Variants in EYA1 observed in about 807,000 individuals in gnomAD.
EYA1 encodes protein phosphatase EYA1.
EYA1 carries 16 observed loss-of-function variants against 82.0 expected under a neutral mutation model. The ratio of observed to expected loss-of-function variants is 0.20; its 90% CI spans 0.13 to 0.30. The LOEUF (loss-of-function observed/expected upper bound fraction) is 0.30, where lower values mean the gene tolerates loss of function less well. EYA1 is among the 10% of genes least tolerant of loss of function. EYA1 has a pLI of 1.00. For synonymous variants in EYA1, 261 were observed against 264.4 expected, an observed-to-expected ratio of 0.99 and a Z score of 0.12; for missense variants, 633 against 730.7, an observed-to-expected ratio of 0.87 and a Z score of 1.54.
At chr8:71,476,566 A>G (rs754259070) in intron 2 of EYA1, among the ~76,000 whole-genome samples, 1 of 152,140 alleles carries the variant, frequency 6.6e-6, no homozygotes, top group Admixed American at 6.5e-5. Context: ...GTTGCAAAAA[A>G]TTAAAGAAGA....
At chr8:71,376,336 A>G (rs1285162195) in intron 2 of EYA1, among the ~76,000 whole-genome samples, 1 of 152,192 alleles carries the variant, frequency 6.6e-6, no homozygotes, top group Admixed American at 6.5e-5. Flanking sequence ...GGTGTAGGGC[A>G]TGGGACATTG....
At chr8:71,411,641 C>T (rs1312738599) in intron 2 of EYA1, among the ~76,000 whole-genome samples, 1 of 151,634 alleles carries the variant, frequency 6.6e-6, no homozygotes, top group Non-Finnish European at 1.5e-5. Context: ...CTCATCATCA[C>T]TGGCCATCAG....
chr8:71,500,399 AT>A (rs1185919914), intron 2 of EYA1, among the ~76,000 whole-genome samples: 1 of 152,060 alleles, frequency 6.6e-6, no homozygotes, highest in Non-Finnish European at 1.5e-5. Context: ...TTGAGTCTTG[AT>A]TTTTCATCTC....
intron 17 of EYA1, among the ~76,000 whole-genome samples, chr8:71,207,072 A>C (rs1807879970): frequency 6.6e-6 from 1 of 152,160 alleles, no homozygotes; most frequent in Non-Finnish European, 1.5e-5. Context: ...GTTACTTACT[A>C]ATATTATGAT....
intron 2 of EYA1, among the ~76,000 whole-genome samples, chr8:71,457,986 G>A (rs10101260): frequency 6.6e-6 from 1 of 152,130 alleles, no homozygotes; most frequent in Non-Finnish European, 1.5e-5. Context: ...TTCTGTTAAA[G>A]TTCAATTTTT....
intron 2 of EYA1, among the ~76,000 whole-genome samples, chr8:71,375,115 T>C (rs1229804626): frequency 6.6e-6 from 1 of 152,108 alleles, no homozygotes; most frequent in Non-Finnish European, 1.5e-5. Context: ...CATTGTATAC[T>C]GAAAATTTGC....
chr8:71,487,589 T>C (rs1325888484), intron 2 of EYA1, among the ~76,000 whole-genome samples: 1 of 152,104 alleles, frequency 6.6e-6, no homozygotes, highest in Non-Finnish European at 1.5e-5. Context: ...CACCTAAAAA[T>C]AACATTAAGA....
At chr8:71,488,041 G>C (rs553760079) in intron 2 of EYA1, among the ~76,000 whole-genome samples, 1 of 152,008 alleles carries the variant, frequency 6.6e-6, no homozygotes, top group South Asian at 2.1e-4. Flanking sequence ...AAAAAAGGAG[G>C]GGGGAGACAA....
intron 2 of EYA1, among the ~76,000 whole-genome samples, chr8:71,523,269 C>G (rs71525127): frequency 0.06 from 9,020 of 149,384 alleles, 328 homozygotes; most frequent in East Asian, 0.12. Context: ...AGCTCCGCCT[C>G]CCAGGTTCAC....
At chr8:71,262,358 T>C (rs1815232416) in intron 11 of EYA1, among the ~76,000 whole-genome samples, 1 of 152,254 alleles carries the variant, frequency 6.6e-6, no homozygotes, top group Admixed American at 6.5e-5. Flanking sequence ...TGTAATTCTC[T>C]GTTTCCCACT....
intron 4 of EYA1, among the ~76,000 whole-genome samples, chr8:71,322,771 A>C (rs750709288): frequency 3.3e-5 from 5 of 152,172 alleles, no homozygotes; most frequent in Non-Finnish European, 7.3e-5. Flanking sequence ...ATAGATCCTC[A>C]TTTGCCTGCA....
At chr8:71,240,620 G>C (rs1406032918) in intron 12 of EYA1, among the ~76,000 whole-genome samples, 2 of 152,180 alleles carry the variant, frequency 1.3e-5, no homozygotes, top group Non-Finnish European at 2.9e-5. Flanking sequence ...GACTCTTAAA[G>C]GTCACTCTGT....
At chr8:71,357,015 G>C (rs1428171975) in intron 1 of EYA1, among the ~76,000 whole-genome samples, 3 of 152,158 alleles carry the variant, frequency 2.0e-5, no homozygotes, top group African/African-American at 7.2e-5. Flanking sequence ...TTATCATAAT[G>C]GTTTTCTCCT....
At chr8:71,518,082 C>A (rs1296063717) in intron 2 of EYA1, among the ~76,000 whole-genome samples, 1 of 151,838 alleles carries the variant, frequency 6.6e-6, no homozygotes, top group African/African-American at 2.4e-5. Context: ...GATAGAATTA[C>A]AAATTAGAAA....
upstream of EYA1, among the ~76,000 whole-genome samples, chr8:71,363,219 G>T (rs888049157): frequency 2.0e-5 from 3 of 151,914 alleles, no homozygotes; most frequent in African/African-American, 7.2e-5. Context: ...ATAACTTTTT[G>T]CATGACTTTA....
rs533505313 is a variant in EYA1 at position 71,360,246 on chromosome 8, G to A, written c.-55+1401C>T. 4.6e-5 allele frequency among the ~76,000 whole-genome samples: 7 copies of A among 152,254 alleles called. No individual in the cohort carries two copies. The East Asian group carries it at 1.3e-3, about 29-fold the overall frequency. ...CAAAAATAAGTATTTAAACCACATG[G>A]ATGCTACCAATAGCTTTAAAGGATT... On this transcript the variant is annotated intron_variant, in intron 1 of 17. Coordinates refer to ENST00000340726, the MANE Select transcript of EYA1 (RefSeq NM_000503.6).
At chr8:71,391,008 C>G (rs1343396896) in intron 2 of EYA1, among the ~76,000 whole-genome samples, 3 of 152,070 alleles carry the variant, frequency 2.0e-5, no homozygotes, top group African/African-American at 7.2e-5. Flanking sequence ...GGGTCTCGCT[C>G]TGTCATCCAG....
At chr8:71,464,473 C>G (rs923464208) in intron 2 of EYA1, among the ~76,000 whole-genome samples, 21 of 152,208 alleles carry the variant, frequency 1.4e-4, no homozygotes, top group African/African-American at 5.1e-4. Context: ...GCCACTTACA[C>G]AGGTAAAGGG....
intron 1 of EYA1, among the ~76,000 whole-genome samples, chr8:71,541,771 C>T (rs936257226): frequency 6.6e-5 from 10 of 152,098 alleles, no homozygotes; most frequent in African/African-American, 1.2e-4. Flanking sequence ...AATCTAATTG[C>T]ACATAGGAAG....
Sources: gnomAD v4.1 joint callset for allele counts (sites outside exome capture counted in the v4.1 genomes callset) on GRCh38, gnomAD v4.1.1 for gene constraint, MANE v1.5 for transcripts, NCBI Gene and HGNC (gene_info 2026-07-23, HGNC 2026-07-21) for gene names.